ESCO2: variants seen among roughly 807,000 people sequenced by gnomAD.
The protein encoded by ESCO2 is N-acetyltransferase ESCO2.
Under a neutral mutation model 61.7 loss-of-function variants are expected in ESCO2, and 51 were observed. The observed-to-expected ratio is 0.83, with a 90% CI of 0.66 to 1.04. The LOEUF (loss-of-function observed/expected upper bound fraction) is 1.04, where lower values mean the gene tolerates loss of function less well. Among genes scored for constraint, ESCO2 ranks in the 50% least tolerant of loss-of-function variants. ESCO2 has a pLI of 0.00. For synonymous variants in ESCO2, 230 were observed against 238.2 expected (o/e 0.97, Z 0.32); for missense variants, 692 against 686.2 (o/e 1.01, Z -0.09).
chr8:27,809,440 C>T (rs1233432682), downstream of ESCO2, among the ~76,000 whole-genome samples: 1 of 152,112 alleles, frequency 6.6e-6, no homozygotes, highest in African/African-American at 2.4e-5. Flanking sequence ...AGGTATACCA[C>T]CTACATTGGC....
chr8:27,773,243 G>T (rs1330910946), upstream of ESCO2, among the ~76,000 whole-genome samples: 4 of 152,112 alleles, frequency 2.6e-5, no homozygotes, highest in African/African-American at 9.7e-5. Flanking sequence ...TCTGCCACAG[G>T]TAGCTACCTA....
downstream of ESCO2, among the ~76,000 whole-genome samples, chr8:27,814,747 A>G (rs1447547312): frequency 6.6e-6 from 1 of 152,060 alleles, no homozygotes; most frequent in African/African-American, 2.4e-5. Context: ...TTGTCATTTT[A>G]TTTGACCCAT....
In ESCO2 at chr8:27,803,450, G is replaced by A; in HGVS notation, c.*12G>A. On this transcript the variant is annotated 3_prime_UTR_variant, in exon 11 of 11. Coordinates refer to ENST00000305188, the MANE Select transcript of ESCO2 (RefSeq NM_001017420.3). ...ATTTTAATAGTTAAAGCTGATTTCAGTTATAAAGGAGTTACTATCTGGATA... is the reference window on the plus strand; with the variant it reads ...ATTTTAATAGTTAAAGCTGATTTCAATTATAAAGGAGTTACTATCTGGATA... 1.2e-6 allele frequency: 2 copies of A among 1,612,070 alleles called. No homozygotes were observed. Among genetic ancestry groups the A allele is most frequent in the Non-Finnish European group, 8.5e-7 (1 of 1,178,520 alleles).
upstream of ESCO2, among the ~76,000 whole-genome samples, chr8:27,772,259 G>A (rs1804650662): frequency 6.6e-6 from 1 of 152,236 alleles, no homozygotes. Flanking sequence ...CCGATTAGGG[G>A]ACGAGAACTC....
chr8:27,809,735 A>C (rs1468083057), downstream of ESCO2: 1 of 151,522 alleles, frequency 6.6e-6, no homozygotes, highest in African/African-American at 2.4e-5. Context: ...CAGTATGGAA[A>C]ATACATTTAA....
chr8:27,791,625 C>T (rs1339297639), intron 7 of ESCO2, among the ~76,000 whole-genome samples: 5 of 152,198 alleles, frequency 3.3e-5, no homozygotes, highest in Non-Finnish European at 4.4e-5. Flanking sequence ...CCCTCCCCTA[C>T]CTGCCCACTG....
At position 27,791,962 on chromosome 8, in the gene ESCO2, G is replaced by A. The variant is rs1439380661; in HGVS notation, c.1264-1G>A. The A allele has an allele frequency of 6.2e-7, 1 of 1,613,760 alleles. No homozygotes were observed. Among genetic ancestry groups the A allele is most frequent in the East Asian group, 2.2e-5 (1 of 44,846 alleles). On this transcript the variant is annotated splice_acceptor_variant, in intron 7 of 10. Coordinates refer to ENST00000305188, the MANE Select transcript of ESCO2 (RefSeq NM_001017420.3). LOFTEE classifies it high-confidence loss of function. ...GTGACCCTTTTGTTTTCCTTTGGCA[G>A]GGTTGGAAGAAAGAACGTGTAGTAG...
upstream of ESCO2, among the ~76,000 whole-genome samples, chr8:27,773,076 A>C (rs1224346960): frequency 6.6e-6 from 1 of 152,150 alleles, no homozygotes; most frequent in Non-Finnish European, 1.5e-5. Context: ...CTCCTACAGC[A>C]CTTGGCTTTG....
Position 27,804,468 on chromosome 8 carries a change from G to C in ESCO2, c.*1030G>C, listed in dbSNP as rs886865941. On this transcript the variant is annotated 3_prime_UTR_variant, in exon 11 of 11. Coordinates refer to ENST00000305188, the MANE Select transcript of ESCO2 (RefSeq NM_001017420.3). ...ATGTATGGTAATAGAACCAAGGTTAGTAAATATACATAGGCTGGTGGATGA... is the reference window on the plus strand; with the variant it reads ...ATGTATGGTAATAGAACCAAGGTTACTAAATATACATAGGCTGGTGGATGA... The C allele has an allele frequency of 5.1e-6, 5 of 985,412 alleles. No individual in the cohort carries two copies. The highest frequency in any genetic ancestry group is 6.0e-6 in the Non-Finnish European group (5 of 829,914). 61.0% of individuals were successfully genotyped at this position (985,412 alleles called of 1,614,324 possible).
In ESCO2 at chr8:27,804,488, G is replaced by A. The variant is rs1003841984; in HGVS notation, c.*1050G>A. On this transcript the variant is annotated 3_prime_UTR_variant, in exon 11 of 11. Transcript: ENST00000305188. ...GGTTAGTAAATATACATAGGCTGGTGGATGAGAGACCATGGAACTGTGTAA... is the reference window on the plus strand; with the variant it reads ...GGTTAGTAAATATACATAGGCTGGTAGATGAGAGACCATGGAACTGTGTAA... The A allele has an allele frequency of 1.0e-6, 1 of 985,378 alleles. No individual in the cohort carries two copies. The highest frequency in any genetic ancestry group is 1.2e-6 in the Non-Finnish European group (1 of 829,892). The allele number at this position is 985,378 out of a possible 1,614,324, so 61.0% of individuals were successfully genotyped here. A position where few individuals can be genotyped will look rare whatever the true frequency, so the allele number is the denominator to read the frequency against.
downstream of ESCO2, chr8:27,808,149 T>C: frequency 1.2e-6 from 1 of 839,738 alleles, no homozygotes; most frequent in Middle Eastern, 4.3e-4. Flanking sequence ...ATATGTAGCA[T>C]TTGTCTAGTT....
chr8:27,783,862 C>T lies in ESCO2; in HGVS notation c.956-138C>T, dbSNP rs560282632. On this transcript the variant is annotated intron_variant, in intron 4 of 10. Transcript: ENST00000305188. The stretch of plus-strand genomic sequence containing the variant: ...GCACCATCTGTTGAGGACTGTTTTT[C>T]CTCCATGGAATTACCTTTGCCTCTT... The T allele has an allele frequency of 7.1e-5, 57 of 808,402 alleles. 1 individual carries two copies. The East Asian group carries it at 1.5e-3, about 21-fold the overall frequency. 50.1% of individuals were successfully genotyped at this position (808,402 alleles called of 1,614,324 possible).
chr8:27,793,873 T>C (rs540713070), intron 9 of ESCO2, among the ~76,000 whole-genome samples: 140 of 152,282 alleles, frequency 9.2e-4, no homozygotes, highest in African/African-American at 3.2e-3. Context: ...CTTTGTACCC[T>C]TTACCAACGT....
chr8:27,783,613 A>AT (rs141753709), intron 4 of ESCO2, among the ~76,000 whole-genome samples: 2,064 of 151,744 alleles, frequency 0.014, 40 homozygotes, highest in African/African-American at 0.047. Flanking sequence ...TTTATTATTA[A>AT]TTTTTTTACA....
intron 9 of ESCO2, among the ~76,000 whole-genome samples, chr8:27,795,666 A>G (rs1404266465): frequency 6.6e-6 from 1 of 152,190 alleles, no homozygotes; most frequent in East Asian, 1.9e-4. Context: ...GGCCTTTAGT[A>G]TATTGAGGTA....
At chr8:27,812,203 A>G (rs1805700739), downstream of ESCO2, 1 of 152,170 alleles carries the variant, frequency 6.6e-6, no homozygotes, top group Non-Finnish European at 1.5e-5. Flanking sequence ...TTTTCAAGCT[A>G]AGATCCCTTC....
Position 27,780,213 on chromosome 8 carries a change from G to A in ESCO2, c.901G>A (p.Val301Ile), listed in dbSNP as rs1290857137. ...CAGAGTTTCTTCAAAGGAACATAAA[G>A]TTGATAAAAATGAGGCTTTTTCTTC... ...DDRVSSKEHKVDKNEAFSSED... is the reference protein window; with the variant it reads ...DDRVSSKEHKIDKNEAFSSED... The change falls in exon 4 of 11, where the codon GTT (valine) becomes ATT (isoleucine). Residue 301 changes from valine to isoleucine, a missense_variant. Val to Ile is a conservative substitution (Grantham distance 29). Coordinates refer to ENST00000305188, the MANE Select transcript of ESCO2 (RefSeq NM_001017420.3). 6.2e-7 allele frequency: 1 copy of A among 1,612,182 alleles called. No individual in the cohort carries two copies. The highest frequency in any genetic ancestry group is 2.2e-5 in the East Asian group (1 of 44,758).
chr8:27,792,081 C>T, intron 8 of ESCO2, 29 bp downstream of exon 8: 1 of 1,605,338 alleles, frequency 6.2e-7, no homozygotes, highest in Admixed American at 1.7e-5. Flanking sequence ...TTATCTCTTG[C>T]CTTTCCCCAC....
Position 27,777,022 on chromosome 8 carries a change from A to G in ESCO2, c.714A>G (p.Ser238=). 6.2e-7 allele frequency: 1 copy of G among 1,611,826 alleles called. No homozygotes were observed. The highest frequency in any genetic ancestry group is 8.5e-7 in the Non-Finnish European group (1 of 1,179,522). Residue 238 remains serine (S), a synonymous_variant, in exon 3 of 11, where the codon TCA becomes TCG. Transcript: ENST00000305188. Reference sequence around the variant, plus strand: ...TGGGACGCACCCAAAAGAGTAAATCAGAAGTCATTGAAGATTCTGATGTAG... The same window carrying G: ...TGGGACGCACCCAAAAGAGTAAATCGGAAGTCATTGAAGATTCTGATGTAG... ...PSLGRTQKSK[S]EVIEDSDVET...
Sources: allele counts gnomAD v4.1 joint callset (sites outside exome capture counted in the v4.1 genomes callset), GRCh38; gene constraint gnomAD v4.1.1; transcripts MANE v1.5; gene names NCBI Gene and HGNC (gene_info 2026-07-23, HGNC 2026-07-21).